The following KCNQ5 variants were observed in gnomAD, a reference collection of about 807,000 sequenced individuals.
KCNQ5 encodes the protein potassium voltage-gated channel subfamily Q member 5, also known as potassium voltage-gated channel subfamily KQT member 5.
Under a neutral mutation model 98.2 loss-of-function variants are expected in KCNQ5, and 30 were observed. The observed-to-expected ratio is 0.31, with a 90% CI of 0.23 to 0.41. KCNQ5 has a LOEUF of 0.41. Ranked by LOEUF, KCNQ5 falls within the 10% of genes least tolerant of loss-of-function variation. The pLI is 1.00. For synonymous variants in KCNQ5, 458 were observed against 449.4 expected, an observed-to-expected ratio of 1.02 and a Z score of -0.24; for missense variants, 835 against 1,182.5, an observed-to-expected ratio of 0.71 and a Z score of 4.31.
Position 72,897,536 on chromosome 6 carries a change from C to T in KCNQ5, c.399-106372C>T, listed in dbSNP as rs1237242380. Reference sequence around the variant, plus strand: ...CAGCATGGGCAACAGAGTCAGACTCCCTCTCAAGAAGACAAGCAAAAAAAT... The same window carrying T: ...CAGCATGGGCAACAGAGTCAGACTCTCTCTCAAGAAGACAAGCAAAAAAAT... On this transcript the variant is annotated intron_variant, in intron 1 of 13. Transcript: ENST00000370398. 1.1e-4 allele frequency among the ~76,000 whole-genome samples: 16 copies of T among 152,086 alleles called. No homozygotes were observed. The East Asian group carries it at 2.9e-3, about 28-fold the overall frequency.
chr6:72,725,825 A>G (rs7772197), intron 1 of KCNQ5, among the ~76,000 whole-genome samples: 21,453 of 152,156 alleles, frequency 0.14, 1,593 homozygotes, highest in South Asian at 0.18. Context: ...ACATTTTTAA[A>G]ATGATTGTGT....
At chr6:72,894,679 A>G (rs1312363828) in intron 1 of KCNQ5, among the ~76,000 whole-genome samples, 1 of 152,218 alleles carries the variant, frequency 6.6e-6, no homozygotes, top group Non-Finnish European at 1.5e-5. Flanking sequence ...GAAAACTAGC[A>G]TAAAAAGATT....
chr6:72,833,005 C>G (rs891410084), intron 1 of KCNQ5, among the ~76,000 whole-genome samples: 4 of 152,158 alleles, frequency 2.6e-5, no homozygotes, highest in Non-Finnish European at 1.5e-5. Context: ...CTGTGTTGTG[C>G]TTGTACTTCA....
chr6:73,135,725 T>C (rs1776443234), intron 10 of KCNQ5: 1 of 152,226 alleles, frequency 6.6e-6, no homozygotes, highest in South Asian at 2.1e-4. Context: ...CTCAAGCTGC[T>C]ATAACAAAGT....
intron 1 of KCNQ5, among the ~76,000 whole-genome samples, chr6:72,864,475 C>A (rs971797569): frequency 1.3e-5 from 2 of 152,094 alleles, no homozygotes; most frequent in African/African-American, 4.8e-5. Context: ...CTTAGTTAAG[C>A]CACTTGTTTT....
At chr6:72,914,810 G>A (rs765951173) in intron 1 of KCNQ5, among the ~76,000 whole-genome samples, 9 of 151,552 alleles carry the variant, frequency 5.9e-5, no homozygotes, top group South Asian at 2.1e-4. Flanking sequence ...CCTTACATTC[G>A]GGTCTCAAGC....
At chr6:72,650,585 C>T (rs947710598) in intron 1 of KCNQ5, among the ~76,000 whole-genome samples, 4 of 151,896 alleles carry the variant, frequency 2.6e-5, no homozygotes, top group Non-Finnish European at 2.9e-5. Flanking sequence ...CATTTAAAAG[C>T]GAAACTATTT....
chr6:73,041,216 T>C (rs997419186), intron 2 of KCNQ5, among the ~76,000 whole-genome samples: 2 of 152,244 alleles, frequency 1.3e-5, no homozygotes, highest in Non-Finnish European at 2.9e-5. Context: ...CCACTCTAGC[T>C]GGCCTTTCCC....
intron 1 of KCNQ5, among the ~76,000 whole-genome samples, chr6:72,682,871 A>G (rs1019028351): frequency 3.3e-5 from 5 of 152,038 alleles, no homozygotes; most frequent in Admixed American, 2.0e-4. Context: ...TTTCACACTT[A>G]CCAAAGAAAG....
chr6:72,829,650 T>G lies in KCNQ5; in HGVS notation c.399-174258T>G, dbSNP rs1384086390. 2.6e-5 allele frequency among the ~76,000 whole-genome samples: 4 copies of G among 152,196 alleles called. No individual in the cohort carries two copies. In the South Asian group the frequency reaches 6.2e-4, roughly 24 times the overall value. On this transcript the variant is annotated intron_variant, in intron 1 of 13. Transcript: ENST00000370398. ...CTACAGCATTAATTTGCCACATGTA[T>G]TATTTGGACAATTCAGTAGATGCCA...
At chr6:72,674,614 A>G (rs1039297748) in intron 1 of KCNQ5, among the ~76,000 whole-genome samples, 1 of 152,120 alleles carries the variant, frequency 6.6e-6, no homozygotes, top group African/African-American at 2.4e-5. Flanking sequence ...TACTAAAAAT[A>G]CAAAAATTAG....
At chr6:73,004,037 A>G (rs1370208663) in intron 2 of KCNQ5, 39 bp downstream of exon 2, 2 of 1,174,378 alleles carry the variant, frequency 1.7e-6, no homozygotes, top group Non-Finnish European at 2.6e-6. Context: ...TGAATGTTGT[A>G]TAAGAACTGC....
intron 10 of KCNQ5, among the ~76,000 whole-genome samples, chr6:73,147,829 C>T (rs1419957723): frequency 6.6e-6 from 1 of 152,018 alleles, no homozygotes; most frequent in African/African-American, 2.4e-5. Flanking sequence ...AACGGTATGA[C>T]ATTATTAAAA....
chr6:72,900,391 G>T (rs1581983153), intron 1 of KCNQ5, among the ~76,000 whole-genome samples: 1 of 141,908 alleles, frequency 7.0e-6, no homozygotes, highest in East Asian at 2.0e-4. Flanking sequence ...AGAAACTGTG[G>T]TATATATATG....
Position 72,622,336 on chromosome 6 carries a change from C to T in KCNQ5, c.147C>T (p.Asn49=), listed in dbSNP as rs976217756. 3.5e-6 allele frequency: 5 copies of T among 1,423,980 alleles called. No homozygotes were observed. 88.2% of individuals were successfully genotyped at this position (1,423,980 alleles called of 1,614,324 possible). The change falls in exon 1 of 14, where the codon AAC becomes AAT. Residue 49 remains asparagine (N), a synonymous_variant. Coordinates refer to ENST00000370398, the MANE Select transcript of KCNQ5 (RefSeq NM_019842.4). This position sits in a 1 kb window ranked among gnomAD's most constrained non-coding sequence, Gnocchi z 6.0. ...CCGGCCGGGGCAGGGTGCTGCTGAA[C>T]TCGGCAGCCGCCAGGGGCGACGGCC... ...VESGRGRVLL[N]SAAARGDGLL... is the part of the protein sequence containing the mutation.
chr6:72,862,292 G>A (rs1286557696), intron 1 of KCNQ5, among the ~76,000 whole-genome samples: 1 of 152,108 alleles, frequency 6.6e-6, no homozygotes, highest in African/African-American at 2.4e-5. Flanking sequence ...TAAGTGAGGA[G>A]GCCATAAATG....
At chr6:73,075,255 G>A (rs1773479947) in intron 3 of KCNQ5, among the ~76,000 whole-genome samples, 2 of 143,888 alleles carry the variant, frequency 1.4e-5, no homozygotes, top group Non-Finnish European at 3.0e-5. Flanking sequence ...ACGCAGTCTT[G>A]CTCTGTCGCT....
intron 1 of KCNQ5, among the ~76,000 whole-genome samples, chr6:72,947,117 C>T (rs1320577919): frequency 6.6e-6 from 1 of 152,120 alleles, no homozygotes; most frequent in Non-Finnish European, 1.5e-5. Context: ...CTCACAGGGC[C>T]TTCTATGTAG....
intron 1 of KCNQ5, among the ~76,000 whole-genome samples, chr6:72,625,388 G>A (rs969615103): frequency 6.6e-6 from 1 of 152,146 alleles, no homozygotes; most frequent in African/African-American, 2.4e-5. Flanking sequence ...GGATTTACCT[G>A]ACAGCCATAT....
Sources: gnomAD v4.1 joint callset for allele counts (sites outside exome capture counted in the v4.1 genomes callset) on GRCh38, gnomAD v4.1.1 for gene constraint, Gnocchi (gnomAD v3.1) non-coding constraint, MANE v1.5 for transcripts, NCBI Gene and HGNC (gene_info 2026-07-23, HGNC 2026-07-21) for gene names.